The following COL22A1 variants were observed in gnomAD, a reference collection of about 807,000 sequenced individuals.
COL22A1 encodes collagen alpha-1(XXII) chain.
Under a neutral mutation model 248.9 loss-of-function variants are expected in COL22A1, and 221 were observed. The ratio of observed to expected loss-of-function variants is 0.89; its 90% CI spans 0.80 to 0.99. The LOEUF is 0.99. Among genes scored for constraint, COL22A1 ranks in the 50% least tolerant of loss-of-function variants. COL22A1 has a pLI of 0.00. For missense variants in COL22A1, 2,240 were observed against 2,179.0 expected (o/e 1.03, Z -0.56); for synonymous variants, 891 against 793.4 (o/e 1.12, Z -2.07).
intron 30 of COL22A1, among the ~76,000 whole-genome samples, chr8:138,714,611 C>T (rs1586547864): frequency 6.6e-6 from 1 of 152,164 alleles, no homozygotes; most frequent in East Asian, 1.9e-4. Context: ...ATCCCATCGG[C>T]TTCCCTAAGC....
rs548035708 is a variant in COL22A1, at chr8:138,883,711, C to G, written c.-72-467G>C. Among the ~76,000 whole-genome samples, 36 of 151,900 alleles carry G rather than the reference C, an allele frequency of 2.4e-4. 1 individual carries two copies. In the South Asian group the frequency reaches 7.5e-3, roughly 32 times the overall value. On this transcript the variant is annotated intron_variant, in intron 1 of 64. Transcript: ENST00000303045. ...TTTTATAATGGTAGTTCTTCCTGCT[C>G]TCTCACATATTCGCTCTCCTGCCAC...
intron 11 of COL22A1, among the ~76,000 whole-genome samples, chr8:138,797,693 T>G (rs1288515037): frequency 6.6e-6 from 1 of 152,182 alleles, no homozygotes; most frequent in Non-Finnish European, 1.5e-5. Context: ...CACCATATTA[T>G]GCAAGCAATC....
chr8:138,709,692 CAAGTT>C (rs1422644362), intron 30 of COL22A1, among the ~76,000 whole-genome samples: 1 of 151,934 alleles, frequency 6.6e-6, no homozygotes, highest in African/African-American at 2.4e-5. Flanking sequence ...ATGTAAATGA[CAAGTT>C]AATGGTGGCA....
At chr8:138,902,344 G>A (rs996245229) in intron 1 of COL22A1, among the ~76,000 whole-genome samples, 3 of 152,146 alleles carry the variant, frequency 2.0e-5, no homozygotes, top group African/African-American at 4.8e-5. Context: ...CAACGGCTTC[G>A]CATTGGCTCT....
intron 3 of COL22A1, among the ~76,000 whole-genome samples, chr8:138,864,267 G>T (rs1357484756): frequency 1.3e-5 from 2 of 152,020 alleles, no homozygotes; most frequent in Admixed American, 1.3e-4. Flanking sequence ...GACCATTCCT[G>T]GGGTCTCCTG....
chr8:138,695,569 A>T (rs1303174222), intron 32 of COL22A1, among the ~76,000 whole-genome samples: 1 of 151,986 alleles, frequency 6.6e-6, no homozygotes, highest in African/African-American at 2.4e-5. Flanking sequence ...CTTTGGGGAC[A>T]GACTGGGGGT....
chr8:138,622,920 GC>G (rs1310169314), intron 52 of COL22A1, among the ~76,000 whole-genome samples: 1 of 151,934 alleles, frequency 6.6e-6, no homozygotes, highest in Non-Finnish European at 1.5e-5. Flanking sequence ...CCTCCATCTT[GC>G]CCTTGGTGTA....
intron 50 of COL22A1, among the ~76,000 whole-genome samples, chr8:138,629,995 G>T (rs979962019): frequency 3.3e-5 from 5 of 152,070 alleles, no homozygotes; most frequent in African/African-American, 9.7e-5. Context: ...CTAACTTACA[G>T]GTCCAAAGTG....
In COL22A1 at chr8:138,821,150, T is replaced by G; in HGVS notation, c.1231A>C (p.Ser411Arg). 6.2e-7 allele frequency: 1 copy of G among 1,613,944 alleles called. No homozygotes were observed. The highest frequency in any genetic ancestry group is 8.5e-7 in the Non-Finnish European group (1 of 1,179,838). Residue 411 changes from serine to arginine, a missense_variant, in exon 7 of 65, where the codon AGT (serine) becomes CGT (arginine). Physicochemically the swap from Ser to Arg is moderately radical, Grantham distance 110. Coordinates refer to ENST00000303045, the MANE Select transcript of COL22A1 (RefSeq NM_152888.3). The stretch of plus-strand genomic sequence containing the variant: ...CTGGTACTCACGTCAATGGGCACAC[T>G]GTCGTAGAGGCGCTTGCCAATCACA... ...KTVIGKRLYD[S>R]VPIDFDLQRI...
At chr8:138,613,212 C>A (rs1388242066) in intron 56 of COL22A1, among the ~76,000 whole-genome samples, 9 of 149,020 alleles carry the variant, frequency 6.0e-5, no homozygotes, top group Non-Finnish European at 1.2e-4. Context: ...CACGCCAGTG[C>A]ACTGCAGCCT....
At chr8:138,785,545 T>TA (rs1815443383) in intron 12 of COL22A1, among the ~76,000 whole-genome samples, 1 of 152,210 alleles carries the variant, frequency 6.6e-6, no homozygotes, top group Non-Finnish European at 1.5e-5. Context: ...GTCACCCACT[T>TA]ACGATGGCAC....
At chr8:138,635,529 T>G (rs1195553574) in intron 48 of COL22A1, among the ~76,000 whole-genome samples, 1 of 152,216 alleles carries the variant, frequency 6.6e-6, no homozygotes, top group East Asian at 1.9e-4. Context: ...GCCTCCATAT[T>G]CTGGCAATAT....
chr8:138,691,707 G>T (rs1826914323), intron 35 of COL22A1, among the ~76,000 whole-genome samples: 1 of 54,026 alleles, frequency 1.9e-5, no homozygotes, highest in Admixed American at 2.3e-4. Flanking sequence ...TATTTGTGGA[G>T]GTGTGTTTAT....
At chr8:138,660,857 CAG>C (rs1400707907) in intron 43 of COL22A1, among the ~76,000 whole-genome samples, 13 of 97,866 alleles carry the variant, frequency 1.3e-4, no homozygotes, top group Non-Finnish European at 1.3e-4. Flanking sequence ...CACACATACA[CAG>C]ACACACAAAC....
At chr8:138,849,408 A>G (rs1159275531) in intron 3 of COL22A1, among the ~76,000 whole-genome samples, 1 of 152,232 alleles carries the variant, frequency 6.6e-6, no homozygotes, top group Non-Finnish European at 1.5e-5. Context: ...TATTATTTAG[A>G]GAAAGAAAGA....
chr8:138,633,040 C>T (rs2132012122), intron 49 of COL22A1, among the ~76,000 whole-genome samples: 1 of 152,286 alleles, frequency 6.6e-6, no homozygotes, highest in South Asian at 2.1e-4. Flanking sequence ...TGTCAGCTCG[C>T]TACCCATATC....
At chr8:138,590,701 A>G (rs911297643) in intron 64 of COL22A1, among the ~76,000 whole-genome samples, 21 of 152,216 alleles carry the variant, frequency 1.4e-4, no homozygotes, top group Admixed American at 2.6e-4. Context: ...AAAGTTAAAT[A>G]AAAAATAGAA....
At chr8:138,836,911 C>T (rs1820478530) in intron 4 of COL22A1, among the ~76,000 whole-genome samples, 1 of 152,130 alleles carries the variant, frequency 6.6e-6, no homozygotes, top group Admixed American at 6.5e-5. Context: ...GGGTTAATCC[C>T]AGGTAAAGGT....
chr8:138,628,378 G>A (rs1249207495), intron 50 of COL22A1, among the ~76,000 whole-genome samples: 3 of 151,930 alleles, frequency 2.0e-5, no homozygotes. Context: ...CTTGAGGTCA[G>A]GAGTTCAAGA....
Sources: gnomAD v4.1 joint callset for allele counts (sites outside exome capture counted in the v4.1 genomes callset) on GRCh38, gnomAD v4.1.1 for gene constraint, MANE v1.5 for transcripts, NCBI Gene and HGNC (gene_info 2026-07-23, HGNC 2026-07-21) for gene names.